Variants in DCAF6 observed in about 807,000 individuals in gnomAD.
The protein encoded by DCAF6 is DDB1- and CUL4-associated factor 6.
Under a neutral mutation model 125.1 loss-of-function variants are expected in DCAF6, and 54 were observed. The observed-to-expected ratio is 0.43, with a 90% CI of 0.35 to 0.54. The LOEUF is 0.54. Among genes scored for constraint, DCAF6 ranks in the 20% least tolerant of loss-of-function variants. DCAF6 has a pLI of 0.01. For missense variants in DCAF6, 934 were observed against 1,161.7 expected (o/e 0.80, Z 2.85); for synonymous variants, 371 against 390.4 (o/e 0.95, Z 0.58).
At chr1:167,887,272 A>T in the DCAF6 span, among the ~76,000 whole-genome samples, 1 of 152,214 alleles carries the variant, frequency 6.6e-6, no homozygotes, top group Admixed American at 6.5e-5. Context: ...CACTATTCAC[A>T]ATAGCAAAGA....
At chr1:167,904,692 T>C in the DCAF6 span, 1 of 601,014 alleles carries the variant, frequency 1.7e-6, no homozygotes, top group South Asian at 2.1e-5. Flanking sequence ...CTGGGATGTG[T>C]ATGGGGCTTG....
the DCAF6 span, among the ~76,000 whole-genome samples, chr1:167,915,325 C>T: frequency 6.6e-6 from 1 of 152,178 alleles, no homozygotes; most frequent in Non-Finnish European, 1.5e-5. Context: ...CAAGCAGCTT[C>T]TTTTCTGCTA....
At chr1:167,966,485 A>G (rs1220695365) in intron 2 of DCAF6, 144 bp from the exon 3 acceptor site, 3 of 585,756 alleles carry the variant, frequency 5.1e-6, no homozygotes, top group South Asian at 2.2e-5. Context: ...AAGGGAAGCC[A>G]TAAGATTGGA....
chr1:168,009,920 C>G (rs1684053467), intron 10 of DCAF6, among the ~76,000 whole-genome samples: 1 of 150,616 alleles, frequency 6.6e-6, no homozygotes, highest in Non-Finnish European at 1.5e-5. Flanking sequence ...ATCTTTTTTC[C>G]CCAACAATAT....
intron 1 of DCAF6, among the ~76,000 whole-genome samples, chr1:167,949,425 A>T (rs951226638): frequency 6.6e-6 from 1 of 152,220 alleles, no homozygotes; most frequent in Non-Finnish European, 1.5e-5. Context: ...CTCTTGAGCC[A>T]AGGACAAATT....
Position 168,009,386 on chromosome 1 carries a change from CCTTT to C in DCAF6, c.1378+4608_1378+4611del, listed in dbSNP as rs1291602671. Among the ~76,000 whole-genome samples, 743 of 75,560 alleles carry C rather than the reference CCTTT, an allele frequency of 9.8e-3. 11 individuals carry two copies. Among genetic ancestry groups the C allele is most frequent in the African/African-American group, 0.029 (577 of 19,854 alleles). 49.6% of individuals were successfully genotyped at this position (75,560 alleles called of 152,430 possible). A position where few individuals can be genotyped will look rare whatever the true frequency, so the allele number is the denominator to read the frequency against. On this transcript the variant is annotated intron_variant, in intron 10 of 21. Transcript: ENST00000367840. The stretch of plus-strand genomic sequence containing the variant: ...TCCTTCCTTCCTTCCTTCCTTCCTT[CCTTT>C]CTTTCTTTCTTTCTCTCTCTCTCTT...
chr1:168,045,061 A>G lies in DCAF6; in HGVS notation c.2092A>G (p.Asn698Asp). The change falls in exon 16 of 22, where the codon AAT (asparagine) becomes GAT (aspartate). Residue 698 changes from asparagine (N) to aspartate (D), a missense_variant. Coordinates refer to ENST00000367840, the MANE Select transcript of DCAF6 (RefSeq NM_001198956.2). ...SDQTSTESAT[N>D]ENNTNPEPQF... ...TCAGACTAGCACTGAGAGTGCTACC[A>G]ATGAAAATAACACCAATCCTGAGCC... 1 of 1,614,060 alleles carries G rather than the reference A, an allele frequency of 6.2e-7. No homozygotes were observed. Among genetic ancestry groups the G allele is most frequent in the Non-Finnish European group, 8.5e-7 (1 of 1,179,946 alleles).
At chr1:168,009,823 G>A (rs1406207379) in intron 10 of DCAF6, among the ~76,000 whole-genome samples, 1 of 117,848 alleles carries the variant, frequency 8.5e-6, no homozygotes, top group East Asian at 1.9e-4. Flanking sequence ...TTTGTGAAAA[G>A]CAATTATAAA....
chr1:167,933,502 T>G (rs1349922112), upstream of DCAF6, among the ~76,000 whole-genome samples: 1 of 152,334 alleles, frequency 6.6e-6, no homozygotes, highest in East Asian at 1.9e-4. Context: ...AGACATACAG[T>G]GTCAGTGATA....
rs370331379 is a variant in DCAF6, at chr1:167,991,236, G to A, written c.585G>A (p.Thr195=). ...TAATTAACTGTCGACGTGCTGCCAC[G>A]TCTGTTGCTATTTGCCCACCAATAC... ...DILINCRRAA[T]SVAICPPIPY... Residue 195 remains threonine (T), a synonymous_variant, in exon 6 of 22, where the codon ACG becomes ACA. Coordinates refer to ENST00000367840, the MANE Select transcript of DCAF6 (RefSeq NM_001198956.2). The A allele has an allele frequency of 1.3e-5, 21 of 1,612,532 alleles. No individual in the cohort carries two copies. In the African/African-American group the frequency reaches 1.6e-4, roughly 12 times the overall value.
At chr1:167,982,102 A>G (rs969074183) in intron 4 of DCAF6, among the ~76,000 whole-genome samples, 2 of 151,890 alleles carry the variant, frequency 1.3e-5, no homozygotes, top group African/African-American at 4.8e-5. Flanking sequence ...TGTGGTTTTG[A>G]TTTGCATTTC....
At chr1:168,074,580 C>T (rs1345512673) in intron 21 of DCAF6, among the ~76,000 whole-genome samples, 4 of 152,060 alleles carry the variant, frequency 2.6e-5, no homozygotes, top group African/African-American at 9.7e-5. Flanking sequence ...ATCTGGTCTG[C>T]AGGAAGACAT....
upstream of DCAF6, among the ~76,000 whole-genome samples, chr1:167,935,009 G>C (rs1397221451): frequency 6.6e-6 from 1 of 151,810 alleles, no homozygotes; most frequent in Non-Finnish European, 1.5e-5. Context: ...CATTTACAAA[G>C]AGTCAAGCAC....
chr1:167,991,325 G>C lies in DCAF6; in HGVS notation c.674G>C (p.Gly225Ala), dbSNP rs374086980. ...CGAATATATGATCGGCGAATGCTGG[G>C]CACAAGAGCTACAGGTAAGAAGATA... ...SVRIYDRRML[G>A]TRATGNYAGR... Residue 225 changes from glycine to alanine, a missense_variant, in exon 6 of 22, where the codon GGC becomes GCC. By Grantham distance (60) the Gly-to-Ala change is moderately conservative. Coordinates refer to ENST00000367840, the MANE Select transcript of DCAF6 (RefSeq NM_001198956.2). 6.2e-7 allele frequency: 1 copy of C among 1,611,478 alleles called. No individual in the cohort carries two copies. Among genetic ancestry groups the C allele is most frequent in the Admixed American group, 1.7e-5 (1 of 59,702 alleles).
upstream of DCAF6, among the ~76,000 whole-genome samples, chr1:167,932,894 C>T (rs1670950927): frequency 6.6e-6 from 1 of 151,310 alleles, no homozygotes; most frequent in Non-Finnish European, 1.5e-5. Flanking sequence ...TTGACAAACA[C>T]TGGAGTACAG....
At chr1:167,936,153 G>A, upstream of DCAF6, 1 of 330,276 alleles carries the variant, frequency 3.0e-6, no homozygotes, top group Non-Finnish European at 5.8e-6. Context: ...GCTGCGCCCT[G>A]CTGGCAGCGC....
At chr1:167,995,848 C>G (rs138501587) in intron 7 of DCAF6, among the ~76,000 whole-genome samples, 16 of 152,204 alleles carry the variant, frequency 1.1e-4, no homozygotes, top group African/African-American at 3.1e-4. Context: ...TTATTGGGTG[C>G]CTACTATACA....
At chr1:168,038,015 A>G (rs1688063596) in intron 12 of DCAF6, among the ~76,000 whole-genome samples, 1 of 152,194 alleles carries the variant, frequency 6.6e-6, no homozygotes, top group South Asian at 2.1e-4. Flanking sequence ...TTGATGCTCA[A>G]GCAACTGAGG....
At chr1:168,068,241 A>G (rs936910868) in intron 20 of DCAF6, 117 bp from the exon 21 acceptor site, 5 of 595,948 alleles carry the variant, frequency 8.4e-6, no homozygotes, top group Non-Finnish European at 1.5e-5. Context: ...CATCAGACGC[A>G]TAAAGAATGA....
Sources: allele counts gnomAD v4.1 joint callset (sites outside exome capture counted in the v4.1 genomes callset), GRCh38; gene constraint gnomAD v4.1.1; transcripts MANE v1.5; gene names NCBI Gene and HGNC (gene_info 2026-07-23, HGNC 2026-07-21).